The following FAM169A variants were observed in gnomAD, a reference collection of about 807,000 sequenced individuals.
The protein encoded by FAM169A is family with sequence similarity 169 member A.
A neutral mutation model predicts 75.7 loss-of-function variants in FAM169A; 24 were observed. The observed-to-expected ratio is 0.32, with a 90% CI of 0.23 to 0.45. The LOEUF (loss-of-function observed/expected upper bound fraction) is 0.45, where lower values mean the gene tolerates loss of function less well. FAM169A is among the 20% of genes least tolerant of loss of function. FAM169A has a pLI of 1.00. For missense variants in FAM169A, 673 were observed against 784.0 expected, an observed-to-expected ratio of 0.86 and a Z score of 1.69; for synonymous variants, 271 against 271.0, an observed-to-expected ratio of 1.00 and a Z score of 0.00.
At chr5:74,801,320 A>G (rs1275538485) in intron 9 of FAM169A, among the ~76,000 whole-genome samples, 2 of 152,220 alleles carry the variant, frequency 1.3e-5, no homozygotes, top group African/African-American at 4.8e-5. Flanking sequence ...TTCCCTCCCA[A>G]TAATCTTGGA....
intron 11 of FAM169A, among the ~76,000 whole-genome samples, chr5:74,792,275 G>C (rs546876303): frequency 2.0e-5 from 3 of 152,242 alleles, no homozygotes; most frequent in African/African-American, 7.2e-5. Flanking sequence ...TGGCTGTAAG[G>C]GTGGTATTAT....
rs767363387 is a variant in FAM169A at position 74,782,912 on chromosome 5, T to C, written c.1464+19A>G. 1.3e-6 allele frequency: 2 copies of C among 1,581,958 alleles called. No individual in the cohort carries two copies. Among genetic ancestry groups the C allele is most frequent in the Admixed American group, 1.7e-5 (1 of 57,868 alleles). On this transcript the variant is annotated intron_variant, in intron 12 of 12. Transcript: ENST00000687041. Reference sequence around the variant, plus strand: ...AACATTGGTAAACTTTATTAAAAAATAGCTCATTGCCCCCTTACCTTATCT... The same window carrying C: ...AACATTGGTAAACTTTATTAAAAAACAGCTCATTGCCCCCTTACCTTATCT...
chr5:74,859,764 TCC>T, intron 1 of FAM169A, among the ~76,000 whole-genome samples: 1 of 152,168 alleles, frequency 6.6e-6, no homozygotes, highest in East Asian at 1.9e-4. Context: ...ATGCCTATAA[TCC>T]CAGCACTTTG....
chr5:74,779,353 G>C lies in FAM169A; in HGVS notation c.*2107C>G, dbSNP rs1469286755. On this transcript the variant is annotated 3_prime_UTR_variant, in exon 13 of 13. Coordinates refer to ENST00000687041, the MANE Select transcript of FAM169A (RefSeq NM_001376049.1). ...ATATACTAAAATTAGAACAATACAG[G>C]GAAAATTAGCATGGCCCCTGTGCAA... 1 of 151,996 alleles carries C rather than the reference G, an allele frequency of 6.6e-6. No individual in the cohort carries two copies. The highest frequency in any genetic ancestry group is 2.4e-5 in the African/African-American group (1 of 41,398). 9.4% of individuals were successfully genotyped at this position (151,996 alleles called of 1,614,324 possible). A position where few individuals can be genotyped will look rare whatever the true frequency, so the allele number is the denominator to read the frequency against.
intron 5 of FAM169A, among the ~76,000 whole-genome samples, chr5:74,828,536 A>G (rs968467953): frequency 7.9e-5 from 12 of 152,312 alleles, no homozygotes; most frequent in Admixed American, 7.2e-4. Context: ...TTCCCAGAGC[A>G]AGGCTGGGGT....
chr5:74,841,416 G>A (rs1006761890), intron 2 of FAM169A, 129 bp downstream of exon 2: 8 of 676,654 alleles, frequency 1.2e-5, no homozygotes, highest in Non-Finnish European at 1.6e-5. Context: ...CCATTTTACT[G>A]AATAGATTTC....
intron 5 of FAM169A, among the ~76,000 whole-genome samples, chr5:74,828,861 C>T (rs1196734468): frequency 6.6e-6 from 1 of 152,042 alleles, no homozygotes; most frequent in Non-Finnish European, 1.5e-5. Context: ...GGCTGAGGCA[C>T]GTGTTCAACC....
intron 1 of FAM169A, among the ~76,000 whole-genome samples, chr5:74,849,817 A>T (rs1232834194): frequency 1.3e-5 from 2 of 152,174 alleles, no homozygotes; most frequent in Non-Finnish European, 2.9e-5. Flanking sequence ...TTCTACTATG[A>T]GAGCCGAGTT....
At chr5:74,821,656 A>G (rs1747772305) in intron 5 of FAM169A, among the ~76,000 whole-genome samples, 1 of 152,228 alleles carries the variant, frequency 6.6e-6, no homozygotes, top group African/African-American at 2.4e-5. Flanking sequence ...CCAAACCTGG[A>G]ATGTTTAACA....
chr5:74,816,375 A>AT (rs987151505), intron 5 of FAM169A, among the ~76,000 whole-genome samples: 5 of 151,646 alleles, frequency 3.3e-5, no homozygotes, highest in East Asian at 1.9e-4. Flanking sequence ...TCATAAATTG[A>AT]TTTTTTTTTC....
At chr5:74,782,087 G>A in intron 12 of FAM169A, 79 bp from the exon 13 acceptor site, 2 of 1,072,868 alleles carry the variant, frequency 1.9e-6, no homozygotes, top group Non-Finnish European at 2.7e-6. Flanking sequence ...AATATGCAGT[G>A]ACACTGAACT....
At chr5:74,845,905 A>G (rs1317375918) in intron 1 of FAM169A, among the ~76,000 whole-genome samples, 6 of 152,242 alleles carry the variant, frequency 3.9e-5, no homozygotes, top group South Asian at 2.1e-4. Context: ...ATCAAATTCT[A>G]TATGTAAAAG....
At chr5:74,849,728 C>T (rs1173560306) in intron 1 of FAM169A, among the ~76,000 whole-genome samples, 1 of 152,058 alleles carries the variant, frequency 6.6e-6, no homozygotes, top group Non-Finnish European at 1.5e-5. Flanking sequence ...TCAACTAATC[C>T]CTTTACCTTA....
chr5:74,848,411 T>C lies in FAM169A; in HGVS notation c.-3-6732A>G, dbSNP rs1158353784. ...AGAAATATGAACCTAGGCAATCAGA[T>C]ATACTTTTAAATATAATTATTTTTA... On this transcript the variant is annotated intron_variant, in intron 1 of 12. Coordinates refer to ENST00000687041, the MANE Select transcript of FAM169A (RefSeq NM_001376049.1). Among the ~76,000 whole-genome samples, 3 of 152,302 alleles carry C rather than the reference T, an allele frequency of 2.0e-5. No homozygotes were observed. The East Asian group carries it at 5.8e-4, about 29-fold the overall frequency.
At chr5:74,840,653 C>T (rs1748812843) in intron 2 of FAM169A, among the ~76,000 whole-genome samples, 1 of 151,474 alleles carries the variant, frequency 6.6e-6, no homozygotes, top group Non-Finnish European at 1.5e-5. Flanking sequence ...CACAGTGAAA[C>T]CCCATCTTTA....
chr5:74,839,103 A>G, intron 3 of FAM169A, 53 bp from the exon 4 acceptor site: 1 of 1,267,652 alleles, frequency 7.9e-7, no homozygotes, highest in Non-Finnish European at 1.2e-6. Flanking sequence ...ACACTTTTAG[A>G]CTTAATAAGG....
At chr5:74,817,182 G>A (rs920677669) in intron 5 of FAM169A, among the ~76,000 whole-genome samples, 10 of 151,830 alleles carry the variant, frequency 6.6e-5, no homozygotes, top group Non-Finnish European at 8.8e-5. Flanking sequence ...CATTGTACTA[G>A]AGGATCTAGC....
intron 10 of FAM169A, chr5:74,799,322 A>C (rs1746442958): frequency 6.2e-7 from 1 of 1,603,674 alleles, no homozygotes; most frequent in Non-Finnish European, 8.5e-7. Flanking sequence ...CTAGAGAACA[A>C]ATTTGCTGTG....
Position 74,856,459 on chromosome 5 carries a change from C to A in FAM169A, c.-4+9706G>T, listed in dbSNP as rs538403298. ...TTTTTATGTACTCTTCAATTTCTTG[C>A]ATCAATGTTTTATAGTTTTCATTGC... On this transcript the variant is annotated intron_variant, in intron 1 of 12. Transcript: ENST00000687041. Among the ~76,000 whole-genome samples the A allele has an allele frequency of 1.6e-4, 24 of 152,218 alleles. No homozygotes were observed. In the South Asian group the frequency reaches 4.8e-3, roughly 30 times the overall value.
Sources: allele counts gnomAD v4.1 joint callset (sites outside exome capture counted in the v4.1 genomes callset), GRCh38; gene constraint gnomAD v4.1.1; transcripts MANE v1.5; gene names NCBI Gene and HGNC (gene_info 2026-07-23, HGNC 2026-07-21).